The following KNL1 variants were observed in gnomAD, a reference collection of about 807,000 sequenced individuals.
KNL1 encodes the protein outer kinetochore KNL1 complex subunit KNL1.
Under a neutral mutation model 201.3 loss-of-function variants are expected in KNL1, and 66 were observed. The observed-to-expected ratio is 0.33, with a 90% confidence interval of 0.27 to 0.40. The LOEUF is 0.40. Among genes scored for constraint, KNL1 ranks in the 10% least tolerant of loss-of-function variants. The pLI is 1.00. For synonymous variants in KNL1, 895 were observed against 899.2 expected, an observed-to-expected ratio of 1.00 and a Z score of 0.08; for missense variants, 2,815 against 2,690.5, an observed-to-expected ratio of 1.05 and a Z score of -1.02.
intron 21 of KNL1, among the ~76,000 whole-genome samples, chr15:40,654,570 G>T: frequency 8.7e-6 from 1 of 115,038 alleles, no homozygotes. Context: ...AAATCAGGTA[G>T]TTTAAAAAAA....
At position 40,606,375 on chromosome 15, in the gene KNL1, T is replaced by C; in HGVS notation, c.76-18T>C. On this transcript the variant is annotated intron_variant, in intron 3 of 25. Coordinates refer to ENST00000399668, the MANE Select transcript of KNL1 (RefSeq NM_144508.5). ...GATATGCCAGATTTTTTTTGAATAATTCTAATTGTTACCCTAGATATTGAA... is the reference window on the plus strand; with the variant it reads ...GATATGCCAGATTTTTTTTGAATAACTCTAATTGTTACCCTAGATATTGAA... 6.7e-7 allele frequency: 1 copy of C among 1,492,724 alleles called. No individual in the cohort carries two copies. The highest frequency in any genetic ancestry group is 1.1e-5 in the South Asian group (1 of 87,682). 92.5% of individuals were successfully genotyped at this position (1,492,724 alleles called of 1,614,324 possible).
chr15:40,630,509 G>A (rs1892883916), intron 13 of KNL1, among the ~76,000 whole-genome samples: 1 of 152,182 alleles, frequency 6.6e-6, no homozygotes, highest in South Asian at 2.1e-4. Flanking sequence ...GGTGAATGGT[G>A]GTGGAGTGAG....
chr15:40,622,674 A>G lies in KNL1; in HGVS notation c.2410A>G (p.Lys804Glu). The change falls in exon 10 of 26, where the codon AAA becomes GAA. Residue 804 changes from lysine to glutamate, a missense_variant. Transcript: ENST00000399668. Reference protein sequence around the residue: ...LTTMNRQIAVKVEKCGKSPIE... With the variant: ...LTTMNRQIAVEVEKCGKSPIE... ...AACAATGAACAGACAGATAGCTGTA[A>G]AAGTTGAAAAATGTGGTAAAAGTCC... is the stretch of plus-strand genomic sequence containing the variant. 6.3e-7 allele frequency: 1 copy of G among 1,590,182 alleles called. No homozygotes were observed. The highest frequency in any genetic ancestry group is 8.5e-7 in the Non-Finnish European group (1 of 1,171,206).
rs749071558 is a variant in KNL1 at position 40,618,923 on chromosome 15, A to G, written c.323-36A>G. On this transcript the variant is annotated intron_variant, in intron 8 of 25. Coordinates refer to ENST00000399668, the MANE Select transcript of KNL1 (RefSeq NM_144508.5). ...AAAGGAAAATCAGGCTCAGTGTTAT[A>G]TTTTCTGACTACAGTTTTTTCTTTT... 15 of 1,442,272 alleles carry G rather than the reference A, an allele frequency of 1.0e-5. No individual in the cohort carries two copies. In the African/African-American group the frequency reaches 1.7e-4, roughly 16 times the overall value. The allele number at this position is 1,442,272 out of a possible 1,614,324, so 89.3% of individuals were successfully genotyped here.
intron 16 of KNL1, 134 bp downstream of exon 16, chr15:40,645,906 A>G (rs1377598429): frequency 1.5e-5 from 7 of 478,672 alleles, no homozygotes; most frequent in African/African-American, 2.0e-5. Flanking sequence ...TTAAGAGGTA[A>G]GGTTCAATTT....
Position 40,621,683 on chromosome 15 carries a change from A to T in KNL1, c.1419A>T (p.Thr473=), listed in dbSNP as rs1354379403. ...ATCCAGATGCTATGTCTTCTCTCAC[A>T]GAGAAAACTATTTATTCCGGAGAGG... ...YCNPDAMSSL[T]EKTIYSGEEN... Residue 473 remains threonine (T), a synonymous_variant, in exon 10 of 26, where the codon ACA becomes ACT. Coordinates refer to ENST00000399668, the MANE Select transcript of KNL1 (RefSeq NM_144508.5). The T allele has an allele frequency of 6.2e-7, 1 of 1,612,056 alleles. No individual in the cohort carries two copies. Among genetic ancestry groups the T allele is most frequent in the Non-Finnish European group, 8.5e-7 (1 of 1,178,422 alleles).
At chr15:40,652,822 GTGGGT>G (rs1216792937) in intron 21 of KNL1, among the ~76,000 whole-genome samples, 1 of 151,728 alleles carries the variant, frequency 6.6e-6, no homozygotes, top group East Asian at 1.9e-4. Context: ...GTGTGTATAG[GTGGGT>G]TTATCATCTA....
At chr15:40,605,246 T>A in intron 3 of KNL1, 97 bp downstream of exon 3, 1 of 689,094 alleles carries the variant, frequency 1.5e-6, no homozygotes, top group Non-Finnish European at 2.6e-6. Context: ...ATCCTACCCT[T>A]ACTGGCTTCC....
intron 24 of KNL1, among the ~76,000 whole-genome samples, chr15:40,657,770 A>T (rs1404186974): frequency 1.3e-5 from 2 of 152,136 alleles, no homozygotes; most frequent in Admixed American, 6.6e-5. Flanking sequence ...GTCATAGTGG[A>T]TTAGGGGCCC....
Position 40,624,456 on chromosome 15 carries a change from C to T in KNL1, c.4192C>T (p.Leu1398=), listed in dbSNP as rs749137225. The T allele has an allele frequency of 2.5e-6, 4 of 1,613,750 alleles. No homozygotes were observed. The highest frequency in any genetic ancestry group is 3.3e-5 in the Admixed American group (2 of 60,018). ...AGATCTGATTAAGGATCCACGAAAT[C>T]TATTGGCTAATCAAACTTTAGTATA... ...DQDLIKDPRN[L]LANQTLVYSQ... The change falls in exon 10 of 26, where the codon CTA becomes TTA. Residue 1398 remains leucine (L), a synonymous_variant. Transcript: ENST00000399668.
At chr15:40,657,594 CT>C (rs1893772220) in intron 24 of KNL1, 121 bp downstream of exon 24, 1 of 608,598 alleles carries the variant, frequency 1.6e-6, no homozygotes, top group Non-Finnish European at 3.0e-6. Flanking sequence ...TTTCTGAGGG[CT>C]GTTAGAATCT....
rs1198052247 is a variant in KNL1 at position 40,624,617 on chromosome 15, A to G, written c.4353A>G (p.Pro1451=). ...PQPHFSTDQP[P]LPKKGQSSIN... Reference sequence around the variant, plus strand: ...CTCATTTCTCAACCGACCAACCTCCATTACCTAAAAAAGGACAGAGTAGTA... The same window carrying G: ...CTCATTTCTCAACCGACCAACCTCCGTTACCTAAAAAAGGACAGAGTAGTA... Residue 1451 remains proline, a synonymous_variant, in exon 10 of 26, where the codon CCA becomes CCG. Transcript: ENST00000399668. The G allele has an allele frequency of 9.3e-6, 15 of 1,613,886 alleles. No individual in the cohort carries two copies. Among genetic ancestry groups the G allele is most frequent in the African/African-American group, 1.3e-5 (1 of 74,930 alleles).
rs373189232 is a variant in KNL1, at chr15:40,640,928, C to T, written c.5699C>T (p.Pro1900Leu). The change falls in exon 14 of 26, where the codon CCA becomes CTA. Residue 1900 changes from proline (P) to leucine (L), a missense_variant. Pro to Leu is a moderately conservative substitution (Grantham distance 98). Around this residue, in one of 3 missense-constraint regions of KNL1, gnomAD observed 2,464 missense variants for 2,291.7 expected, o/e 1.08. Transcript: ENST00000399668. ...NLPGNFTVNT[P>L]PTPEDLMLSQ... is the part of the protein sequence containing the mutation. ...TTTTTCCAGTTTACTGTAAACACAC[C>T]ACCTACTCCAGAAGACCTGATGTTA... The T allele has an allele frequency of 3.2e-5, 51 of 1,610,722 alleles. No individual in the cohort carries two copies. The highest frequency in any genetic ancestry group is 4.2e-5 in the Non-Finnish European group (49 of 1,177,920).
chr15:40,595,838 C>G (rs938981653), intron 1 of KNL1, among the ~76,000 whole-genome samples: 4 of 152,234 alleles, frequency 2.6e-5, no homozygotes, highest in East Asian at 3.9e-4. Context: ...GGTCTAGAGT[C>G]TCTGTCATTT....
At position 40,622,113 on chromosome 15, in the gene KNL1, A is replaced by C. The variant is rs530436800; in HGVS notation, c.1849A>C (p.Lys617Gln). ...TTCAGATGAATGTGAAGAAATTACC[A>C]AAAGTCGTAATGAACCATTTCAGCG... ...SSSDECEEIT[K>Q]SRNEPFQRSD... The change falls in exon 10 of 26, where the codon AAA becomes CAA. Residue 617 changes from lysine to glutamine, a missense_variant. This residue lies in a region of KNL1 where 2,464 missense variants were observed against 2,291.7 expected (regional missense o/e 1.08). Coordinates refer to ENST00000399668, the MANE Select transcript of KNL1 (RefSeq NM_144508.5). 1 of 1,614,118 alleles carries C rather than the reference A, an allele frequency of 6.2e-7. No individual in the cohort carries two copies. The highest frequency in any genetic ancestry group is 1.1e-5 in the South Asian group (1 of 91,080).
chr15:40,639,784 G>A (rs1893167264), intron 13 of KNL1, among the ~76,000 whole-genome samples: 2 of 151,130 alleles, frequency 1.3e-5, no homozygotes, highest in Non-Finnish European at 1.5e-5. Context: ...AAAAAAAAAG[G>A]CTAGTCATAG....
At position 40,609,844 on chromosome 15, in the gene KNL1, A is replaced by AAAAT. The variant is rs554731848; in HGVS notation, c.198-381_198-378dup. 3.9e-3 allele frequency among the ~76,000 whole-genome samples: 594 copies of AAAAT among 152,276 alleles called. 3 individuals are homozygous for AAAAT. The highest frequency in any genetic ancestry group is 0.014 in the African/African-American group (561 of 41,546). On this transcript the variant is annotated intron_variant, in intron 5 of 25. Coordinates refer to ENST00000399668, the MANE Select transcript of KNL1 (RefSeq NM_144508.5). ...AACAAATGGCTCAGAATCTTAGTTA[A>AAAAT]AAATAAATAAATAAATAAATAAACT... is the stretch of plus-strand genomic sequence containing the variant.
intron 13 of KNL1, among the ~76,000 whole-genome samples, chr15:40,639,038 C>T (rs1245633001): frequency 5.3e-5 from 8 of 151,976 alleles, no homozygotes; most frequent in Admixed American, 5.2e-4. Context: ...GGTGATCCGC[C>T]TGCCCTGGCC....
At chr15:40,656,311 T>C (rs1414188904) in intron 22 of KNL1, among the ~76,000 whole-genome samples, 1 of 152,054 alleles carries the variant, frequency 6.6e-6, no homozygotes, top group Admixed American at 6.6e-5. Context: ...TGTGTGCCTG[T>C]AGTCCCAGCT....
Sources: allele counts gnomAD v4.1 joint callset (sites outside exome capture counted in the v4.1 genomes callset), GRCh38; gene constraint gnomAD v4.1.1; regional missense constraint gnomAD v4.1.1; transcripts MANE v1.5; gene names NCBI Gene and HGNC (gene_info 2026-07-23, HGNC 2026-07-21).